The following EPB42 variants were observed in gnomAD, a reference collection of about 807,000 sequenced individuals.
The protein encoded by EPB42 is erythrocyte membrane protein band 4.2.
Under a neutral mutation model 76.9 loss-of-function variants are expected in EPB42, and 49 were observed. The observed-to-expected ratio is 0.64, with a 90% CI of 0.51 to 0.81. The LOEUF (loss-of-function observed/expected upper bound fraction) is 0.81. Among genes scored for constraint, EPB42 ranks in the 30% least tolerant of loss-of-function variants. The pLI, the probability that EPB42 is intolerant of heterozygous loss-of-function variation, is 0.00. For synonymous variants in EPB42, 310 were observed against 338.4 expected, an observed-to-expected ratio of 0.92 and a Z score of 0.92; for missense variants, 731 against 867.6, an observed-to-expected ratio of 0.84 and a Z score of 1.98.
chr15:43,210,287 C>T, intron 5 of EPB42, 48 bp downstream of exon 5: 3 of 1,560,038 alleles, frequency 1.9e-6, no homozygotes, highest in Non-Finnish European at 2.6e-6. Flanking sequence ...TCTCAGAGGG[C>T]TTTTTTCTCA....
chr15:43,214,884 C>T (rs1016047966), intron 3 of EPB42, among the ~76,000 whole-genome samples: 5 of 152,200 alleles, frequency 3.3e-5, no homozygotes, highest in African/African-American at 9.7e-5. Flanking sequence ...AAGGCTCAAC[C>T]TGCTTCTCCC....
rs1482403670 is a variant in EPB42, at chr15:43,211,474, C to A, written c.491G>T (p.Gly164Val). 6.2e-7 allele frequency: 1 copy of A among 1,614,156 alleles called. No homozygotes were observed. The highest frequency in any genetic ancestry group is 8.5e-7 in the Non-Finnish European group (1 of 1,180,000). ...QRMEYLLNQN[G>V]LIYLGTADCI... ...GTCAGCTGTACCCAGGTAGATGAGA[C>A]CATTCTGGTTCAACAAGTACTCCAT... Residue 164 changes from glycine to valine, a missense_variant, in exon 4 of 13, where the codon GGT (glycine) becomes GTT (valine). Physicochemically the swap from Gly to Val is moderately radical, Grantham distance 109. Coordinates refer to ENST00000441366, the MANE Select transcript of EPB42 (RefSeq NM_001114134.2).
rs114345862 is a variant in EPB42 at position 43,203,223 on chromosome 15, G to T, written c.1671C>A (p.Pro557=). The T allele has an allele frequency of 7.4e-6, 12 of 1,614,142 alleles. No individual in the cohort carries two copies. Among genetic ancestry groups the T allele is most frequent in the East Asian group, 2.2e-5 (1 of 44,876 alleles). ...LFFSNFERNP[P]ENTFLRLTAM... is the part of the protein sequence containing the mutation. ...CGGTGAGTCTAAGGAAGGTGTTCTCGGGTGGGTTTCGCTCAAAATTGGAGA... is the reference window on the plus strand; with the variant it reads ...CGGTGAGTCTAAGGAAGGTGTTCTCTGGTGGGTTTCGCTCAAAATTGGAGA... The change falls in exon 11 of 13, where the codon CCC becomes CCA. Residue 557 remains proline, a synonymous_variant. Coordinates refer to ENST00000441366, the MANE Select transcript of EPB42 (RefSeq NM_001114134.2).
In EPB42 at chr15:43,201,833, C is replaced by T; in HGVS notation, c.1913+11G>A. On this transcript the variant is annotated intron_variant, in intron 12 of 12. Transcript: ENST00000441366. ...ACATTTCAGGGGGATGAGAAGCCTGCCATCACTTACCTGTAGCTCCTCTCT... is the reference window on the plus strand; with the variant it reads ...ACATTTCAGGGGGATGAGAAGCCTGTCATCACTTACCTGTAGCTCCTCTCT... The T allele has an allele frequency of 1.2e-6, 2 of 1,614,212 alleles. No individual in the cohort carries two copies. The highest frequency in any genetic ancestry group is 1.3e-5 in the African/African-American group (1 of 75,056).
intron 1 of EPB42, 96 bp from the exon 2 acceptor site, chr15:43,216,549 C>T: frequency 7.3e-7 from 1 of 1,373,226 alleles, no homozygotes; most frequent in Non-Finnish European, 1.0e-6. Context: ...GGGTTCTAAT[C>T]CTCGGCTCCA....
intron 12 of EPB42, among the ~76,000 whole-genome samples, chr15:43,198,913 C>T (rs1237210048): frequency 6.6e-6 from 1 of 152,216 alleles, no homozygotes; most frequent in African/African-American, 2.4e-5. Flanking sequence ...GTGGAAGCCG[C>T]AAGCCTTGGC....
intron 10 of EPB42, among the ~76,000 whole-genome samples, chr15:43,204,851 C>T (rs1300002219): frequency 6.6e-6 from 1 of 152,044 alleles, no homozygotes; most frequent in Non-Finnish European, 1.5e-5. Flanking sequence ...AGGCCACACC[C>T]CAAATCAGTT....
At chr15:43,214,386 G>T (rs1222473951) in intron 3 of EPB42, among the ~76,000 whole-genome samples, 2 of 152,134 alleles carry the variant, frequency 1.3e-5, no homozygotes, top group African/African-American at 2.4e-5. Context: ...CAGGGAAGCC[G>T]CTCATAGTCT....
chr15:43,202,647 G>C (rs562291554), intron 11 of EPB42, among the ~76,000 whole-genome samples: 1 of 152,178 alleles, frequency 6.6e-6, no homozygotes, highest in Non-Finnish European at 1.5e-5. Context: ...ATTCATTTTG[G>C]CCAGGGTAGA....
rs772330879 is a variant in EPB42, at chr15:43,209,274, C to T, written c.832G>A (p.Val278Met). The change falls in exon 6 of 13, where the codon GTG becomes ATG. Residue 278 changes from valine (V) to methionine (M), a missense_variant and splice_region_variant. Coordinates refer to ENST00000441366, the MANE Select transcript of EPB42 (RefSeq NM_001114134.2). The part of the protein sequence containing the change: ...AWVLAAVACT[V>M]LRCLGIPARV... The stretch of plus-strand genomic sequence containing the variant: ...CTCTACAGGAGACAAGGGGACCAAC[C>T]TGTGCAAGCAACAGCAGCCAACACC... 1 of 1,614,094 alleles carries T rather than the reference C, an allele frequency of 6.2e-7. No individual in the cohort carries two copies. The highest frequency in any genetic ancestry group is 8.5e-7 in the Non-Finnish European group (1 of 1,180,010).
At position 43,207,381 on chromosome 15, in the gene EPB42, G is replaced by A. The variant is rs1163916693; in HGVS notation, c.1136C>T (p.Thr379Ile). 3.7e-6 allele frequency: 6 copies of A among 1,614,176 alleles called. No individual in the cohort carries two copies. The South Asian group carries it at 5.5e-5, about 15-fold the overall frequency. Residue 379 changes from threonine (T) to isoleucine (I), a missense_variant, in exon 9 of 13, where the codon ACC (threonine) becomes ATC (isoleucine). Thr to Ile is a moderately conservative substitution (Grantham distance 89, BLOSUM62 -1). Coordinates refer to ENST00000441366, the MANE Select transcript of EPB42 (RefSeq NM_001114134.2). ...RAVKEGTLGL[T>I]PAVSDLFAAI... ...AGCAAAAAGGTCTGACACTGCTGGG[G>A]TCAGCCCCAGCGTCCCCTCCTTGAC...
upstream of EPB42, among the ~76,000 whole-genome samples, chr15:43,225,560 TGTTAGGAACC>T (rs1417758608): frequency 6.6e-6 from 1 of 152,212 alleles, no homozygotes; most frequent in African/African-American, 2.4e-5. Context: ...CGTTAGGAAC[TGTTAGGAACC>T]GCGTTAGATA....
At chr15:43,221,138 T>G, upstream of EPB42, 3 of 402,770 alleles carry the variant, frequency 7.4e-6, no homozygotes, top group East Asian at 5.7e-5. Context: ...GGGGGTGGGA[T>G]GGGGAAGACC....
At chr15:43,225,037 G>C (rs1248060475), upstream of EPB42, among the ~76,000 whole-genome samples, 1 of 152,262 alleles carries the variant, frequency 6.6e-6, no homozygotes, top group African/African-American at 2.4e-5. Flanking sequence ...GCCTCCCAAA[G>C]TGTTGGGATC....
In EPB42 at chr15:43,210,659, G is replaced by A. The variant is rs550072225; in HGVS notation, c.550-220C>T. Among the ~76,000 whole-genome samples the A allele has an allele frequency of 6.6e-5, 10 of 152,248 alleles. No homozygotes were observed. The South Asian group carries it at 2.1e-3, about 32-fold the overall frequency. ...CTGGGTTCCTTTTCCCAGGCATCCA[G>A]TCCTTTGCCTATCTGTTGTCTGACT... On this transcript the variant is annotated intron_variant, in intron 4 of 12. Transcript: ENST00000441366.
At chr15:43,199,213 C>G (rs1488171506) in intron 12 of EPB42, among the ~76,000 whole-genome samples, 2 of 152,202 alleles carry the variant, frequency 1.3e-5, no homozygotes, top group Admixed American at 6.5e-5. Flanking sequence ...CTTGCACTGT[C>G]TGCCTGGAAA....
chr15:43,197,636 C>G (rs113324567), intron 12 of EPB42, among the ~76,000 whole-genome samples, 172 bp from the exon 13 acceptor site: 133 of 152,246 alleles, frequency 8.7e-4, no homozygotes, highest in African/African-American at 3.1e-3. Context: ...CAGGAGCCAC[C>G]CAATGCTGAG....
chr15:43,213,411 G>A (rs1409921187), intron 3 of EPB42, among the ~76,000 whole-genome samples: 1 of 152,186 alleles, frequency 6.6e-6, no homozygotes, highest in Non-Finnish European at 1.5e-5. Flanking sequence ...CCTCCCAGAT[G>A]AGCGGAGCCA....
At chr15:43,223,466 T>C (rs1276137330), upstream of EPB42, among the ~76,000 whole-genome samples, 2 of 152,160 alleles carry the variant, frequency 1.3e-5, no homozygotes, top group Admixed American at 1.3e-4. Context: ...AAGGATATGA[T>C]AGACAATTCA....
Sources: allele counts gnomAD v4.1 joint callset (sites outside exome capture counted in the v4.1 genomes callset), GRCh38; gene constraint gnomAD v4.1.1; transcripts MANE v1.5; gene names NCBI Gene and HGNC (gene_info 2026-07-23, HGNC 2026-07-21).